Variants in CD163L1 observed in about 807,000 individuals in gnomAD.
The protein encoded by CD163L1 is scavenger receptor cysteine-rich type 1 protein M160.
In CD163L1, 124 loss-of-function variants were observed where a neutral mutation model predicts 165.4. The observed-to-expected ratio is 0.75, with a 90% CI of 0.65 to 0.87. The LOEUF is 0.87. Among genes scored for constraint, CD163L1 ranks in the 40% least tolerant of loss-of-function variants. The pLI is 0.00. For missense variants in CD163L1, 1,525 were observed against 1,799.9 expected (o/e 0.85, Z 2.76); for synonymous variants, 585 against 662.2 (o/e 0.88, Z 1.79).
chr12:7,417,962 AT>A (rs1948278893), intron 4 of CD163L1, among the ~76,000 whole-genome samples: 2 of 151,904 alleles, frequency 1.3e-5, no homozygotes, highest in Non-Finnish European at 2.9e-5. Flanking sequence ...TTAAATGTAA[AT>A]TGATTAAATT....
Position 7,432,376 on chromosome 12 carries a change from A to T in CD163L1, c.766+40T>A, listed in dbSNP as rs1387331142. 5 of 1,463,496 alleles carry T rather than the reference A, an allele frequency of 3.4e-6. No individual in the cohort carries two copies. The highest frequency in any genetic ancestry group is 4.7e-6 in the Non-Finnish European group (5 of 1,062,742). 90.7% of individuals were successfully genotyped at this position (1,463,496 alleles called of 1,614,324 possible). A position where few individuals can be genotyped will look rare whatever the true frequency, so the allele number is the denominator to read the frequency against. ...CTTTCCATACATACTGTTTCTAAAC[A>T]AATTGTTCCTTTCTTCTACATGATG... On this transcript the variant is annotated intron_variant, in intron 4 of 19. Transcript: ENST00000313599. This position sits in a 1 kb window ranked among gnomAD's most constrained non-coding sequence, Gnocchi z 4.2.
chr12:7,414,766 A>T (rs930374553), intron 4 of CD163L1, among the ~76,000 whole-genome samples: 3 of 152,172 alleles, frequency 2.0e-5, no homozygotes, highest in African/African-American at 7.2e-5. Flanking sequence ...GAATTTTCTC[A>T]ACAGAACCTT....
the CD163L1 span, among the ~76,000 whole-genome samples, chr12:7,326,515 C>T: frequency 6.6e-6 from 1 of 152,152 alleles, no homozygotes; most frequent in African/African-American, 2.4e-5. Flanking sequence ...CAGCCCTTTC[C>T]TGAGATTTGA....
In CD163L1 at chr12:7,369,520, A is replaced by G. The variant is rs754292885; in HGVS notation, c.3876T>C (p.Ala1292=). The change falls in exon 15 of 20, where the codon GCT becomes GCC. Residue 1292 remains alanine (A), a synonymous_variant. Transcript: ENST00000313599. The surrounding 1 kb of genome is among the most constrained non-coding windows in gnomAD (Gnocchi z 4.9). ...VVCQQLGCGS[A]LAALRDASFG... ...ACGAAGCGTCCCTCAGGGCAGCCAG[A>G]GCAGAGCCACAGCCCAGCTGCTGAC... 4 of 1,614,142 alleles carry G rather than the reference A, an allele frequency of 2.5e-6. No individual in the cohort carries two copies. In the South Asian group the frequency reaches 4.4e-5, roughly 18 times the overall value.
intron 4 of CD163L1, among the ~76,000 whole-genome samples, chr12:7,417,011 T>G (rs1223145280): frequency 6.6e-6 from 1 of 152,304 alleles, no homozygotes; most frequent in Non-Finnish European, 1.5e-5. Context: ...CTTTGGGCAG[T>G]GTGGCCATTT....
At chr12:7,395,596 TAAA>T (rs746173466) in intron 8 of CD163L1, among the ~76,000 whole-genome samples, 3 of 151,902 alleles carry the variant, frequency 2.0e-5, no homozygotes, top group Non-Finnish European at 4.4e-5. Context: ...AGTATAATAA[TAAA>T]AAAAATTATA....
At chr12:7,377,712 G>A (rs1313703073) in intron 9 of CD163L1, among the ~76,000 whole-genome samples, 1 of 152,100 alleles carries the variant, frequency 6.6e-6, no homozygotes, top group Non-Finnish European at 1.5e-5. Context: ...TGGAATTGAT[G>A]TCCCCATCTT....
intron 4 of CD163L1, among the ~76,000 whole-genome samples, chr12:7,418,388 G>A (rs190866640): frequency 2.5e-4 from 38 of 152,198 alleles, no homozygotes; most frequent in African/African-American, 8.9e-4. Flanking sequence ...CAAAGGTGGT[G>A]CTAAGAGCAA....
chr12:7,406,042 T>A (rs1948008248), intron 5 of CD163L1, among the ~76,000 whole-genome samples: 1 of 152,136 alleles, frequency 6.6e-6, no homozygotes, highest in African/African-American at 2.4e-5. Flanking sequence ...TAGTATAAGG[T>A]ACAAAGTAAT....
Position 7,398,254 on chromosome 12 carries a change from C to A in CD163L1, c.1729+10G>T. 6.2e-7 allele frequency: 1 copy of A among 1,601,984 alleles called. No homozygotes were observed. Among genetic ancestry groups the A allele is most frequent in the Non-Finnish European group, 8.5e-7 (1 of 1,173,026 alleles). ...CTTATCAGGAAATAATAAACAAGAA[C>A]AAGTCTTACCTGAGCAGGTTACAAT... On this transcript the variant is annotated intron_variant, in intron 7 of 19. Coordinates refer to ENST00000313599, the MANE Select transcript of CD163L1 (RefSeq NM_174941.6). This position sits in a 1 kb window ranked among gnomAD's most constrained non-coding sequence, Gnocchi z 4.5.
intron 2 of CD163L1, chr12:7,439,173 GA>G (rs1948780123): frequency 6.3e-7 from 1 of 1,575,610 alleles, no homozygotes. Context: ...TCATCCTCCG[GA>G]AAGGGGGAAT....
Position 7,375,029 on chromosome 12 carries a change from C to T in CD163L1, c.3002-106G>A, listed in dbSNP as rs914031988. 48 of 1,085,174 alleles carry T rather than the reference C, an allele frequency of 4.4e-5. No homozygotes were observed. In the African/African-American group the frequency reaches 5.0e-4, roughly 11 times the overall value. 67.2% of individuals were successfully genotyped at this position (1,085,174 alleles called of 1,614,324 possible). ...ATCTGCAATTGTGATAAGGACTTTT[C>T]AAACCCTGTCGTCTATTGAAATCAT... On this transcript the variant is annotated intron_variant, in intron 11 of 19. Transcript: ENST00000313599.
the CD163L1 span, among the ~76,000 whole-genome samples, chr12:7,341,677 AGAG>A: frequency 6.6e-6 from 1 of 152,134 alleles, no homozygotes; most frequent in Admixed American, 6.5e-5. Flanking sequence ...GTCACCAAGG[AGAG>A]GAGTTCTGGG....
the CD163L1 span, among the ~76,000 whole-genome samples, chr12:7,334,328 G>T: frequency 6.6e-6 from 1 of 152,164 alleles, no homozygotes; most frequent in Non-Finnish European, 1.5e-5. Context: ...ATGCAAGGCT[G>T]GTTCAACATA....
At chr12:7,389,122 G>A (rs1947587970) in intron 8 of CD163L1, among the ~76,000 whole-genome samples, 1 of 152,204 alleles carries the variant, frequency 6.6e-6, no homozygotes, top group Non-Finnish European at 1.5e-5. Context: ...TATATACCCA[G>A]CAATAGGATT....
Position 7,374,732 on chromosome 12 carries a change from T to A in CD163L1, c.3119A>T (p.Asp1040Val). 3 of 1,613,820 alleles carry A rather than the reference T, an allele frequency of 1.9e-6. No individual in the cohort carries two copies. Among genetic ancestry groups the A allele is most frequent in the Non-Finnish European group, 2.5e-6 (3 of 1,179,798 alleles). ...TCTCCCGGCACAGCGGCTGTCCCCA[T>A]CCACTAGGCGGAGCCGTTTGTCCTC... ...CLEDKRLRLV[D>V]GDSRCAGRVE... The change falls in exon 13 of 20, where the codon GAT becomes GTT. Residue 1040 changes from aspartate (D) to valine (V), a missense_variant. Physicochemically the swap from Asp to Val is radical, Grantham distance 152. Coordinates refer to ENST00000313599, the MANE Select transcript of CD163L1 (RefSeq NM_174941.6). This position sits in a 1 kb window ranked among gnomAD's most constrained non-coding sequence, Gnocchi z 5.4.
rs1390843504 is a variant in CD163L1, at chr12:7,374,835, G to A, written c.3090C>T (p.Cys1030=). 2 of 1,614,140 alleles carry A rather than the reference G, an allele frequency of 1.2e-6. No homozygotes were observed. Among genetic ancestry groups the A allele is most frequent in the South Asian group, 1.1e-5 (1 of 91,084 alleles). The change falls in exon 12 of 20, where the codon TGC becomes TGT. Residue 1030 remains cysteine, a synonymous_variant. Transcript: ENST00000313599. The surrounding 1 kb of genome is among the most constrained non-coding windows in gnomAD (Gnocchi z 5.4). Reference sequence around the variant, plus strand: ...CCTAAAACTGATTCTGCTTACCTAAGCAGATCAAAGCACTGCCCTCTGGAA... The same window carrying A: ...CCTAAAACTGATTCTGCTTACCTAAACAGATCAAAGCACTGCCCTCTGGAA... ...SAVPEGSALI[C]LEDKRLRLVD...
intron 2 of CD163L1, among the ~76,000 whole-genome samples, chr12:7,437,234 T>TAAATAATAA (rs375065508): frequency 5.0e-5 from 6 of 120,620 alleles, no homozygotes; most frequent in African/African-American, 2.4e-4. Flanking sequence ...TTAAAAGTAT[T>TAAATAATAA]TACTTTTAAA....
the CD163L1 span, among the ~76,000 whole-genome samples, chr12:7,332,151 G>C: frequency 6.6e-6 from 1 of 152,180 alleles, no homozygotes; most frequent in Non-Finnish European, 1.5e-5. Context: ...AGCCTCAGTA[G>C]CCAATACAAT....
Sources: gnomAD v4.1 joint callset for allele counts (sites outside exome capture counted in the v4.1 genomes callset) on GRCh38, gnomAD v4.1.1 for gene constraint, Gnocchi (gnomAD v3.1) non-coding constraint, MANE v1.5 for transcripts, NCBI Gene and HGNC (gene_info 2026-07-23, HGNC 2026-07-21) for gene names.